SLC35F3: variants seen among roughly 807,000 people sequenced by gnomAD.
SLC35F3 encodes the protein putative thiamine transporter SLC35F3.
In SLC35F3, 25 loss-of-function variants were observed where a neutral mutation model predicts 49.9. That is an observed-to-expected ratio of 0.50 (90% CI 0.37 to 0.70). SLC35F3 has a LOEUF of 0.70. Ranked by LOEUF, SLC35F3 falls within the 30% of genes least tolerant of loss-of-function variation. The pLI is 0.00. For synonymous variants in SLC35F3, 275 were observed against 265.4 expected (o/e 1.04, Z -0.35); for missense variants, 525 against 639.8 (o/e 0.82, Z 1.94).
intron 2 of SLC35F3, among the ~76,000 whole-genome samples, chr1:233,939,327 T>C (rs1044862808): frequency 6.6e-6 from 1 of 152,058 alleles, no homozygotes; most frequent in African/African-American, 2.4e-5. Flanking sequence ...TGGAAGCATG[T>C]GCCTGTAGTC....
At chr1:233,943,565 G>A (rs1009898774) in intron 2 of SLC35F3, among the ~76,000 whole-genome samples, 1 of 152,212 alleles carries the variant, frequency 6.6e-6, no homozygotes, top group East Asian at 1.9e-4. Context: ...TCATCAAAGT[G>A]TAGGCACAGG....
At chr1:233,981,081 A>G (rs1432408458) in intron 2 of SLC35F3, among the ~76,000 whole-genome samples, 1 of 152,230 alleles carries the variant, frequency 6.6e-6, no homozygotes, top group Non-Finnish European at 1.5e-5. Context: ...ACAGAAAGAG[A>G]TACTGTGTAT....
chr1:234,145,994 A>T (rs1191405292), intron 2 of SLC35F3, among the ~76,000 whole-genome samples: 1 of 151,982 alleles, frequency 6.6e-6, no homozygotes, highest in African/African-American at 2.4e-5. Flanking sequence ...TTAACTTTCA[A>T]CCTTTTTACA....
intron 2 of SLC35F3, among the ~76,000 whole-genome samples, chr1:234,164,648 A>G (rs1346359804): frequency 6.6e-6 from 1 of 152,062 alleles, no homozygotes; most frequent in Non-Finnish European, 1.5e-5. Context: ...AGGGTCACCT[A>G]CCTCCTGCTG....
At chr1:234,017,674 A>G (rs1256983989) in intron 2 of SLC35F3, among the ~76,000 whole-genome samples, 2 of 141,658 alleles carry the variant, frequency 1.4e-5, no homozygotes, top group African/African-American at 2.6e-5. Context: ...AGATCGCACC[A>G]CTGTACTCCA....
intron 2 of SLC35F3, among the ~76,000 whole-genome samples, chr1:234,056,205 T>G (rs1332987988): frequency 2.0e-5 from 3 of 151,998 alleles, no homozygotes; most frequent in Non-Finnish European, 4.4e-5. Flanking sequence ...ATTTTTATTT[T>G]CTAAGATGTC....
rs190820587 is a variant in SLC35F3, at chr1:234,046,451, A to G, written c.283+140693A>G. Among the ~76,000 whole-genome samples, 37 of 152,196 alleles carry G rather than the reference A, an allele frequency of 2.4e-4. No individual in the cohort carries two copies. The highest frequency in any genetic ancestry group is 8.5e-4 in the Admixed American group (13 of 15,288). ...GCTCATTGTGTTCACTAACTTTTCA[A>G]TTGAATTGTCTTTTCTGTATTGATT... On this transcript the variant is annotated intron_variant, in intron 2 of 7. Transcript: ENST00000366618. This position sits in a 1 kb window ranked among gnomAD's most constrained non-coding sequence, Gnocchi z 4.4.
intron 2 of SLC35F3, among the ~76,000 whole-genome samples, chr1:234,220,266 G>A (rs1667183667): frequency 6.6e-6 from 1 of 152,148 alleles, no homozygotes; most frequent in South Asian, 2.1e-4. Context: ...AAGAGACAGA[G>A]TGGATCCAAG....
chr1:233,933,558 G>C (rs1242816773), intron 2 of SLC35F3, among the ~76,000 whole-genome samples: 2 of 152,100 alleles, frequency 1.3e-5, no homozygotes, highest in Non-Finnish European at 2.9e-5. Flanking sequence ...CATTTCAGGG[G>C]TTGGGAAGTA....
chr1:234,236,097 A>G lies in SLC35F3; in HGVS notation c.608+4356A>G, dbSNP rs1448080567. Among the ~76,000 whole-genome samples the G allele has an allele frequency of 2.0e-5, 3 of 152,104 alleles. No individual in the cohort carries two copies. In the East Asian group the frequency reaches 5.8e-4, roughly 29 times the overall value. On this transcript the variant is annotated intron_variant, in intron 3 of 7. Coordinates refer to ENST00000366618, the MANE Select transcript of SLC35F3 (RefSeq NM_173508.4). The stretch of plus-strand genomic sequence containing the variant: ...GCTGAGAGTGGGGGAAGGCCCAGAT[A>G]CATGTCCAGATACATGTGTCCTGGG...
chr1:233,978,354 T>A (rs1004382244), intron 2 of SLC35F3, among the ~76,000 whole-genome samples: 2 of 152,238 alleles, frequency 1.3e-5, no homozygotes, highest in Non-Finnish European at 1.5e-5. Flanking sequence ...ATTGATTTCT[T>A]ATTTTACAAA....
At chr1:234,067,529 G>C (rs1042390225) in intron 2 of SLC35F3, among the ~76,000 whole-genome samples, 1 of 152,192 alleles carries the variant, frequency 6.6e-6, no homozygotes, top group Admixed American at 6.5e-5. Context: ...CAGCTGACTT[G>C]CTTAGCCTAA....
intron 2 of SLC35F3, among the ~76,000 whole-genome samples, chr1:234,128,749 G>C (rs906385337): frequency 3.3e-5 from 5 of 152,194 alleles, no homozygotes; most frequent in African/African-American, 1.2e-4. Flanking sequence ...AGGATCTGTG[G>C]AGAGAGAAGG....
At chr1:233,969,539 G>A (rs533505067) in intron 2 of SLC35F3, among the ~76,000 whole-genome samples, 9 of 152,184 alleles carry the variant, frequency 5.9e-5, no homozygotes, top group Admixed American at 3.3e-4. Flanking sequence ...GTGAGAGGAA[G>A]ATTAGCTGTT....
chr1:234,294,377 G>A (rs1176929483), intron 3 of SLC35F3, among the ~76,000 whole-genome samples: 1 of 152,146 alleles, frequency 6.6e-6, no homozygotes, highest in East Asian at 1.9e-4. Flanking sequence ...GGTAAAGATT[G>A]TTCCACTTTA....
intron 2 of SLC35F3, among the ~76,000 whole-genome samples, chr1:233,964,984 C>G (rs1265645223): frequency 1.3e-5 from 2 of 152,160 alleles, no homozygotes; most frequent in African/African-American, 2.4e-5. Context: ...TTCCCAATCC[C>G]TGACCATGGC....
At chr1:234,219,681 C>T (rs768318362) in intron 2 of SLC35F3, among the ~76,000 whole-genome samples, 4 of 152,170 alleles carry the variant, frequency 2.6e-5, no homozygotes, top group Non-Finnish European at 5.9e-5. Flanking sequence ...TCTTGCTTGC[C>T]GTCATTACCC....
intron 2 of SLC35F3, among the ~76,000 whole-genome samples, chr1:234,126,733 C>T (rs569049611): frequency 3.9e-4 from 59 of 152,282 alleles, no homozygotes; most frequent in Middle Eastern, 3.4e-3. Flanking sequence ...CTCTGTCACC[C>T]AGGCTGGAGT....
intron 2 of SLC35F3, among the ~76,000 whole-genome samples, chr1:233,969,063 G>GT (rs1313449269): frequency 2.7e-5 from 4 of 150,608 alleles, no homozygotes; most frequent in South Asian, 2.1e-4. Context: ...CATATTTTGG[G>GT]GGGGGGGACA....
Sources: gnomAD v4.1 joint callset for allele counts (sites outside exome capture counted in the v4.1 genomes callset) on GRCh38, gnomAD v4.1.1 for gene constraint, Gnocchi (gnomAD v3.1) non-coding constraint, MANE v1.5 for transcripts, NCBI Gene and HGNC (gene_info 2026-07-23, HGNC 2026-07-21) for gene names.